Variants in XPC observed in about 807,000 individuals in gnomAD.
XPC encodes XPC complex subunit, DNA damage recognition and repair factor, also known as DNA repair protein complementing XP-C cells.
XPC carries 76 observed loss-of-function variants against 95.8 expected under a neutral mutation model. The observed-to-expected ratio is 0.79, with a 90% CI of 0.66 to 0.96. The LOEUF (loss-of-function observed/expected upper bound fraction) is 0.96. XPC is among the 40% of genes least tolerant of loss of function. The probability of loss-of-function intolerance (pLI) is 0.00; values close to 1 mark genes in which losing one functional copy is unlikely to be tolerated. For synonymous variants in XPC, 442 were observed against 442.1 expected (o/e 1.00, Z 0.00); for missense variants, 1,146 against 1,179.8 (o/e 0.97, Z 0.42).
chr3:14,157,225 T>G (rs1179517415), intron 9 of XPC, among the ~76,000 whole-genome samples: 3 of 152,220 alleles, frequency 2.0e-5, no homozygotes, highest in African/African-American at 4.8e-5. Context: ...GCACCCATTT[T>G]ACTTAGCATT....
intron 10 of XPC, 53 bp from the exon 11 acceptor site, chr3:14,152,469 G>A (rs1438612580): frequency 2.0e-6 from 3 of 1,537,786 alleles, no homozygotes; most frequent in Non-Finnish European, 2.7e-6. Flanking sequence ...CCCCACTGCG[G>A]GAATGCGGGA....
Position 14,145,952 on chromosome 3 carries a change from C to A in XPC, c.2812G>T (p.Glu938Ter). 1.9e-6 allele frequency: 3 copies of A among 1,604,946 alleles called. No individual in the cohort carries two copies. Among genetic ancestry groups the A allele is most frequent in the South Asian group, 2.2e-5 (2 of 90,750 alleles). ...KAAASHLFPF[E>*]QL Reference sequence around the variant, plus strand: ...AGTGGGCGCTCAGCTCACAGCTGCTCAAATGGGAACAGGTGGGAAGCTGCT... The same window carrying A: ...AGTGGGCGCTCAGCTCACAGCTGCTAAAATGGGAACAGGTGGGAAGCTGCT... The change falls in exon 16 of 16, where the codon GAG becomes TAG. Residue 938 changes from glutamate to a stop codon, truncating the protein, a stop_gained. Transcript: ENST00000285021. LOFTEE classifies it high-confidence loss of function.
At chr3:14,175,813 C>A (rs1178566875) in intron 1 of XPC, among the ~76,000 whole-genome samples, 1 of 152,202 alleles carries the variant, frequency 6.6e-6, no homozygotes. Flanking sequence ...AAATTATTGT[C>A]ATCTGCAGCC....
intron 7 of XPC, 183 bp downstream of exon 7, chr3:14,164,630 C>T: frequency 3.6e-6 from 2 of 561,036 alleles, no homozygotes; most frequent in Non-Finnish European, 5.9e-6. Flanking sequence ...TTCTCAGGCT[C>T]ACCAAGGAAA....
chr3:14,157,257 G>A (rs547510609), intron 9 of XPC, among the ~76,000 whole-genome samples: 7 of 152,096 alleles, frequency 4.6e-5, no homozygotes, highest in African/African-American at 1.7e-4. Context: ...TGCACCCCTG[G>A]AGCAAACACT....
chr3:14,170,685 T>G (rs1347203208), intron 2 of XPC, 135 bp from the exon 3 acceptor site: 5 of 617,130 alleles, frequency 8.1e-6, no homozygotes, highest in South Asian at 7.2e-5. Flanking sequence ...ATTAGTAAGC[T>G]CTGAGCCTCA....
At chr3:14,164,337 C>G (rs1327851063) in intron 7 of XPC, 1 of 155,882 alleles carries the variant, frequency 6.4e-6, no homozygotes, top group African/African-American at 2.4e-5. Context: ...CTGGAGCACT[C>G]TGCCATCACG....
chr3:14,166,617 C>A (rs1017028082), intron 5 of XPC, among the ~76,000 whole-genome samples: 8 of 151,732 alleles, frequency 5.3e-5, no homozygotes, highest in Admixed American at 3.3e-4. Context: ...TTCTCCTAGA[C>A]CTGGCTCTAA....
At chr3:14,173,109 G>A in intron 1 of XPC, 47 bp from the exon 2 acceptor site, 1 of 1,473,142 alleles carries the variant, frequency 6.8e-7, no homozygotes, top group East Asian at 2.4e-5. Context: ...AGGAAAGGTG[G>A]AGGCAGTGCA....
chr3:14,170,325 A>T (rs1252260083), intron 3 of XPC, 113 bp downstream of exon 3: 3 of 1,004,998 alleles, frequency 3.0e-6, no homozygotes, highest in Non-Finnish European at 4.6e-6. Context: ...TCTGTGGTCT[A>T]ATTAGCTCAA....
At chr3:14,154,105 G>A (rs59290720) in intron 10 of XPC, among the ~76,000 whole-genome samples, 5,613 of 152,248 alleles carry the variant, frequency 0.037, 182 homozygotes, top group African/African-American at 0.086. Flanking sequence ...TTTCACACCC[G>A]TTAAAATGGC....
intron 3 of XPC, among the ~76,000 whole-genome samples, chr3:14,169,518 G>T (rs908049145): frequency 1.4e-4 from 22 of 152,248 alleles, no homozygotes; most frequent in African/African-American, 5.3e-4. Context: ...TCTATATTAA[G>T]AGAGTAAAGT....
rs201273381 is a variant in XPC at position 14,178,532 on chromosome 3, C to G, written c.37G>C (p.Gly13Arg). 1,490 of 1,612,958 alleles carry G rather than the reference C, an allele frequency of 9.2e-4. 1 individual carries two copies. The highest frequency in any genetic ancestry group is 1.2e-3 in the Non-Finnish European group (1,363 of 1,179,616). ...GATTTCTGGCTGCGCAGTTCGCGTC[C>G]CCGCGGCTCCCCGCCGGCCGCGCGT... ...RKRAAGGEPRGRELRSQKSKA... is the reference protein window; with the variant it reads ...RKRAAGGEPRRRELRSQKSKA... Residue 13 changes from glycine to arginine, a missense_variant, in exon 1 of 16, where the codon GGA (glycine) becomes CGA (arginine). Physicochemically the swap from Gly to Arg is moderately radical, Grantham distance 125. Coordinates refer to ENST00000285021, the MANE Select transcript of XPC (RefSeq NM_004628.5).
intron 4 of XPC, among the ~76,000 whole-genome samples, chr3:14,167,761 T>C (rs938373366): frequency 6.6e-5 from 10 of 152,148 alleles, no homozygotes; most frequent in African/African-American, 2.4e-4. Flanking sequence ...CCATCGCACA[T>C]TGGAATTCCC....
intron 7 of XPC, 47 bp from the exon 8 acceptor site, chr3:14,159,877 G>C: frequency 6.6e-7 from 1 of 1,504,634 alleles, no homozygotes. Flanking sequence ...AGTAATTAAA[G>C]ATGTAATGAG....
intron 2 of XPC, among the ~76,000 whole-genome samples, chr3:14,172,171 C>G (rs1469607559): frequency 6.6e-6 from 1 of 152,058 alleles, no homozygotes; most frequent in East Asian, 1.9e-4. Flanking sequence ...TGTTCAGTTT[C>G]TGCCAAATAA....
intron 1 of XPC, among the ~76,000 whole-genome samples, chr3:14,175,579 A>T (rs1696783077): frequency 6.6e-6 from 1 of 152,196 alleles, no homozygotes; most frequent in Non-Finnish European, 1.5e-5. Context: ...GGCGCTCAAT[A>T]AACAGCTGTT....
At chr3:14,176,420 T>C (rs577694544) in intron 1 of XPC, among the ~76,000 whole-genome samples, 12 of 152,250 alleles carry the variant, frequency 7.9e-5, no homozygotes, top group African/African-American at 2.7e-4. Context: ...TACAAAGCCT[T>C]GTACCTTCTT....
chr3:14,172,962 A>G lies in XPC; in HGVS notation c.204T>C (p.Asp68=), dbSNP rs374280112. ...TGGCCACTTTCTTTTTTGCTGGACC[A>G]TCTGCTGAACCCCCAGGATGACTGC... The part of the protein sequence containing the change: ...RGCSHPGGSA[D]GPAKKKVAKV... The change falls in exon 2 of 16, where the codon GAT becomes GAC. Residue 68 remains aspartate (D), a synonymous_variant. Coordinates refer to ENST00000285021, the MANE Select transcript of XPC (RefSeq NM_004628.5). 2 of 1,613,960 alleles carry G rather than the reference A, an allele frequency of 1.2e-6. No individual in the cohort carries two copies. The highest frequency in any genetic ancestry group is 2.7e-5 in the African/African-American group (2 of 75,054).
Sources: gnomAD v4.1 joint callset for allele counts (sites outside exome capture counted in the v4.1 genomes callset) on GRCh38, gnomAD v4.1.1 for gene constraint, MANE v1.5 for transcripts, NCBI Gene and HGNC (gene_info 2026-07-23, HGNC 2026-07-21) for gene names.